The following ATXN1 variants were observed in gnomAD, a reference collection of about 807,000 sequenced individuals.
ATXN1 encodes the protein ataxin 1.
A neutral mutation model predicts 56.4 loss-of-function variants in ATXN1; 8 were observed. The ratio of observed to expected loss-of-function variants is 0.14; its 90% confidence interval spans 0.08 to 0.26. The LOEUF (loss-of-function observed/expected upper bound fraction) is 0.26. Among genes scored for constraint, ATXN1 ranks in the 10% least tolerant of loss-of-function variants. ATXN1 has a pLI of 1.00. For synonymous variants in ATXN1, 514 were observed against 494.6 expected (o/e 1.04, Z -0.52); for missense variants, 987 against 1,106.5 (o/e 0.89, Z 1.53).
chr6:16,490,378 C>A (rs1315036647), intron 5 of ATXN1, among the ~76,000 whole-genome samples: 3 of 152,196 alleles, frequency 2.0e-5, no homozygotes, highest in Non-Finnish European at 2.9e-5. Flanking sequence ...TTTATCCATA[C>A]CCTAATACAG....
rs1373720136 is a variant in ATXN1 at position 16,410,840 on chromosome 6, G to C, written c.-161+75132C>G. ...CAGTGCTAAAGATGGAAAATAGGTG[G>C]GTGGCCAGGCACAGTGGCTCACGCC... On this transcript the variant is annotated intron_variant, in intron 6 of 7. Coordinates refer to ENST00000436367, the MANE Select transcript of ATXN1 (RefSeq NM_001128164.2). This position sits in a 1 kb window ranked among gnomAD's most constrained non-coding sequence, Gnocchi z 4.6. 1.3e-5 allele frequency among the ~76,000 whole-genome samples: 2 copies of C among 152,000 alleles called. No individual in the cohort carries two copies. Among genetic ancestry groups the C allele is most frequent in the Admixed American group, 6.6e-5 (1 of 15,242 alleles).
intron 7 of ATXN1, among the ~76,000 whole-genome samples, chr6:16,313,763 T>C (rs1171761368): frequency 1.3e-5 from 2 of 152,018 alleles, no homozygotes; most frequent in Admixed American, 6.6e-5. Context: ...TCATTCACCA[T>C]GTTGGCCAAG....
chr6:16,409,502 A>C (rs1443284439), intron 6 of ATXN1, among the ~76,000 whole-genome samples: 1 of 152,016 alleles, frequency 6.6e-6, no homozygotes, highest in Non-Finnish European at 1.5e-5. Flanking sequence ...AAAATACAAA[A>C]ATTAACCTGG....
chr6:16,462,228 C>A lies in ATXN1; in HGVS notation c.-161+23744G>T, dbSNP rs182859232. ...TCTACCCCCACTGCAGTTAAGGTGG[C>A]AGGAGTGGAATCTTGGATTCACTAC... On this transcript the variant is annotated intron_variant, in intron 6 of 7. Coordinates refer to ENST00000436367, the MANE Select transcript of ATXN1 (RefSeq NM_001128164.2). Among the ~76,000 whole-genome samples, 23 of 152,210 alleles carry A rather than the reference C, an allele frequency of 1.5e-4. 1 individual carries two copies. Among genetic ancestry groups the A allele is most frequent in the Admixed American group, 1.3e-3 (20 of 15,290 alleles).
Position 16,612,306 on chromosome 6 carries a change from G to A in ATXN1, c.-488-26399C>T, listed in dbSNP as rs141838020. Among the ~76,000 whole-genome samples the A allele has an allele frequency of 4.1e-4, 63 of 152,198 alleles. 1 individual carries two copies. The East Asian group carries it at 0.01, about 25-fold the overall frequency. ...TGGAACATTAACAAAAATGAATCCT[G>A]TATTGGAACATAAAATAAATTTTAC... On this transcript the variant is annotated intron_variant, in intron 3 of 7. Transcript: ENST00000436367.
intron 6 of ATXN1, among the ~76,000 whole-genome samples, chr6:16,343,145 C>A (rs1292725157): frequency 6.6e-6 from 1 of 152,168 alleles, no homozygotes; most frequent in Non-Finnish European, 1.5e-5. Flanking sequence ...GAGATCAAGA[C>A]CATCCTGGCT....
At chr6:16,434,354 C>T (rs773109437) in intron 6 of ATXN1, among the ~76,000 whole-genome samples, 2 of 152,132 alleles carry the variant, frequency 1.3e-5, no homozygotes, top group African/African-American at 2.4e-5. Flanking sequence ...CATGGATGGG[C>T]GAGGAGGTGC....
At chr6:16,611,423 CAAAAGAAT>C (rs1763103456) in intron 3 of ATXN1, among the ~76,000 whole-genome samples, 1 of 151,938 alleles carries the variant, frequency 6.6e-6, no homozygotes, top group African/African-American at 2.4e-5. Flanking sequence ...ATCATAAAAC[CAAAAGAAT>C]AAAAAGATGA....
intron 5 of ATXN1, among the ~76,000 whole-genome samples, chr6:16,513,959 A>G (rs908554976): frequency 3.3e-5 from 5 of 152,072 alleles, no homozygotes; most frequent in Admixed American, 3.3e-4. Flanking sequence ...AATGCAGGGG[A>G]AAAAGATTTG....
chr6:16,391,200 TGAAAACAA>T (rs1379055750), intron 6 of ATXN1, among the ~76,000 whole-genome samples: 1 of 150,364 alleles, frequency 6.7e-6, no homozygotes, highest in Non-Finnish European at 1.5e-5. Context: ...GAAGGTCTTC[TGAAAACAA>T]GAAAACACTA....
intron 6 of ATXN1, among the ~76,000 whole-genome samples, chr6:16,465,543 C>A (rs1016116554): frequency 4.5e-4 from 69 of 152,098 alleles, no homozygotes. Context: ...TAGAGGAGAG[C>A]CAGTTTTTTG....
chr6:16,526,808 C>T (rs1389010266), intron 4 of ATXN1, among the ~76,000 whole-genome samples: 1 of 149,890 alleles, frequency 6.7e-6, no homozygotes, highest in Non-Finnish European at 1.5e-5. Flanking sequence ...TTCAACATAT[C>T]GAAAAAGGAC....
intron 6 of ATXN1, among the ~76,000 whole-genome samples, chr6:16,439,370 GGGCGGGGC>G (rs1759463381): frequency 7.8e-5 from 2 of 25,746 alleles, no homozygotes; most frequent in African/African-American, 1.5e-4. Flanking sequence ...GCGGGGCCGG[GGGCGGGGC>G]GGGAATAAGG....
At chr6:16,361,362 G>A (rs779614842) in intron 6 of ATXN1, among the ~76,000 whole-genome samples, 13 of 152,216 alleles carry the variant, frequency 8.5e-5, no homozygotes, top group Non-Finnish European at 1.3e-4. Context: ...CATTATTTTC[G>A]TTCACGCACA....
At chr6:16,365,114 G>A (rs1235610543) in intron 6 of ATXN1, among the ~76,000 whole-genome samples, 2 of 151,842 alleles carry the variant, frequency 1.3e-5, no homozygotes, top group African/African-American at 2.4e-5. Flanking sequence ...CAATGTGCAC[G>A]TTTGTTACAT....
intron 4 of ATXN1, among the ~76,000 whole-genome samples, chr6:16,572,648 G>C (rs1350448723): frequency 3.3e-5 from 5 of 152,150 alleles, no homozygotes. Flanking sequence ...CCAACACAGA[G>C]TGAGACACAA....
At chr6:16,420,280 G>A (rs1759005212) in intron 6 of ATXN1, among the ~76,000 whole-genome samples, 1 of 152,174 alleles carries the variant, frequency 6.6e-6, no homozygotes, top group South Asian at 2.1e-4. Flanking sequence ...CACTGTCTCT[G>A]GGGACCTTCA....
In ATXN1 at chr6:16,760,008, T is replaced by TCACTCACA. The variant is rs1234584715; in HGVS notation, c.-730+1282_-730+1289dup. Among the ~76,000 whole-genome samples the TCACTCACA allele has an allele frequency of 2.0e-5, 3 of 150,370 alleles. No homozygotes were observed. Among genetic ancestry groups the TCACTCACA allele is most frequent in the Non-Finnish European group, 4.5e-5 (3 of 67,324 alleles). On this transcript the variant is annotated intron_variant, in intron 1 of 7. Transcript: ENST00000436367. The surrounding 1 kb of genome is among the most constrained non-coding windows in gnomAD (Gnocchi z 5.3). ...CGCGCGCACAAATACACACACACAGTCACTCACACACTCACTCACACTCAC... is the reference window on the plus strand; with the variant it reads ...CGCGCGCACAAATACACACACACAGTCACTCACACACTCACACACTCACTCACACTCAC...
At chr6:16,420,245 G>A (rs2113564525) in intron 6 of ATXN1, among the ~76,000 whole-genome samples, 1 of 152,330 alleles carries the variant, frequency 6.6e-6, no homozygotes. Flanking sequence ...TATGAGGGCA[G>A]CTAGAGAGAT....
Sources: gnomAD v4.1 joint callset for allele counts (sites outside exome capture counted in the v4.1 genomes callset) on GRCh38, gnomAD v4.1.1 for gene constraint, Gnocchi (gnomAD v3.1) non-coding constraint, MANE v1.5 for transcripts, NCBI Gene and HGNC (gene_info 2026-07-23, HGNC 2026-07-21) for gene names.